ADCY8: variants seen among roughly 807,000 people sequenced by gnomAD.
ADCY8 encodes the protein adenylate cyclase type 8.
In ADCY8, 51 loss-of-function variants were observed where a neutral mutation model predicts 119.7. That is an observed-to-expected ratio of 0.43 (90% confidence interval 0.34 to 0.54). The LOEUF (loss-of-function observed/expected upper bound fraction) is 0.54. Among genes scored for constraint, ADCY8 ranks in the 20% least tolerant of loss-of-function variants. ADCY8 has a pLI of 0.03. For missense variants in ADCY8, 1,383 were observed against 1,598.8 expected, an observed-to-expected ratio of 0.87 and a Z score of 2.30; for synonymous variants, 665 against 651.0, an observed-to-expected ratio of 1.02 and a Z score of -0.33.
At chr8:130,944,302 A>G (rs781742718) in intron 3 of ADCY8, among the ~76,000 whole-genome samples, 33 of 152,202 alleles carry the variant, frequency 2.2e-4, no homozygotes, top group Non-Finnish European at 4.6e-4. Flanking sequence ...TTATCTTACC[A>G]TGTCATCTCA....
Position 130,780,819 on chromosome 8 carries a change from G to A in ADCY8, c.3327C>T (p.Asp1109=), listed in dbSNP as rs1815053604. ...GVIGAKKPQY[D]IWGKTVNLAS... ...CCAGGTTCACAGTTTTGCCCCAAATGTCATACTGTGGTTTCTTAGCGCCGA... is the reference window on the plus strand; with the variant it reads ...CCAGGTTCACAGTTTTGCCCCAAATATCATACTGTGGTTTCTTAGCGCCGA... Residue 1109 remains aspartate, a synonymous_variant, in exon 18 of 18, where the codon GAC becomes GAT. Coordinates refer to ENST00000286355, the MANE Select transcript of ADCY8 (RefSeq NM_001115.3). 4 of 1,614,192 alleles carry A rather than the reference G, an allele frequency of 2.5e-6. No homozygotes were observed. The highest frequency in any genetic ancestry group is 3.4e-6 in the Non-Finnish European group (4 of 1,180,022).
chr8:130,888,105 G>A (rs898768201), intron 7 of ADCY8, among the ~76,000 whole-genome samples: 16 of 151,838 alleles, frequency 1.1e-4, no homozygotes, highest in East Asian at 1.9e-4. Flanking sequence ...ATGTTGAGAC[G>A]GTTCTTTCAC....
chr8:130,982,124 A>ACACAAGAACC (rs1198776312), intron 2 of ADCY8, among the ~76,000 whole-genome samples: 1 of 152,224 alleles, frequency 6.6e-6, no homozygotes, highest in Non-Finnish European at 1.5e-5. Flanking sequence ...AGGCAGCCAG[A>ACACAAGAACC]TGGAACACAA....
intron 2 of ADCY8, among the ~76,000 whole-genome samples, chr8:130,959,523 C>T (rs1239696506): frequency 6.6e-6 from 1 of 152,174 alleles, no homozygotes; most frequent in Non-Finnish European, 1.5e-5. Context: ...CCAAGCAAGA[C>T]ATGAAGGCTG....
intron 2 of ADCY8, among the ~76,000 whole-genome samples, chr8:130,969,629 T>C (rs1274860238): frequency 2.6e-5 from 4 of 152,202 alleles, no homozygotes; most frequent in African/African-American, 9.6e-5. Flanking sequence ...CAAAAATAGA[T>C]TGTAACCTGG....
rs776072809 is a variant in ADCY8 at position 130,884,690 on chromosome 8, C to G, written c.1983G>C (p.Gln661His). ...PNHLAQALHV[Q>H]SGPEEINKRI... ...TCTTGTTAATTTCCTCAGGCCCAGACTGGACATGCAAAGCTTGTGCAAGAT... is the reference window on the plus strand; with the variant it reads ...TCTTGTTAATTTCCTCAGGCCCAGAGTGGACATGCAAAGCTTGTGCAAGAT... The change falls in exon 8 of 18, where the codon CAG becomes CAC. Residue 661 changes from glutamine to histidine, a missense_variant. Physicochemically the swap from Gln to His is conservative, Grantham distance 24 (BLOSUM62 0). This residue lies in a region of ADCY8 where 928 missense variants were observed against 1,163.5 expected (regional missense o/e 0.80). Transcript: ENST00000286355. 11 of 1,613,902 alleles carry G rather than the reference C, an allele frequency of 6.8e-6. No homozygotes were observed. The East Asian group carries it at 2.5e-4, about 36-fold the overall frequency.
chr8:131,037,889 G>A (rs1019749922), intron 1 of ADCY8, among the ~76,000 whole-genome samples: 1 of 152,118 alleles, frequency 6.6e-6, no homozygotes, highest in African/African-American at 2.4e-5. Flanking sequence ...AAGGTTCATG[G>A]TGACTGTGAT....
At chr8:131,002,002 A>G (rs1822965746) in intron 1 of ADCY8, among the ~76,000 whole-genome samples, 1 of 152,182 alleles carries the variant, frequency 6.6e-6, no homozygotes, top group South Asian at 2.1e-4. Flanking sequence ...TCACTACGGG[A>G]GTGGATACTC....
At chr8:130,841,485 A>T (rs1024851182) in intron 11 of ADCY8, among the ~76,000 whole-genome samples, 1 of 152,196 alleles carries the variant, frequency 6.6e-6, no homozygotes, top group African/African-American at 2.4e-5. Flanking sequence ...CAGTTTACAA[A>T]CTAAATCATG....
intron 2 of ADCY8, among the ~76,000 whole-genome samples, chr8:130,958,659 A>C (rs4736729): frequency 0.81 from 122,897 of 152,052 alleles, 52,323 homozygotes; most frequent in East Asian, 0.95. Context: ...TCTCATGAGA[A>C]TTATTCACTA....
rs193046965 is a variant in ADCY8, at chr8:130,996,638, A to G, written c.961-6096T>C. Among the ~76,000 whole-genome samples the G allele has an allele frequency of 2.0e-5, 3 of 152,128 alleles. No individual in the cohort carries two copies. In the East Asian group the frequency reaches 5.8e-4, roughly 29 times the overall value. On this transcript the variant is annotated intron_variant, in intron 1 of 17. Transcript: ENST00000286355. ...AAGATAATTGGTCAACTACAGGGGA[A>G]AAAAATGGACTGATAGTCACCTCAT...
intron 9 of ADCY8, among the ~76,000 whole-genome samples, chr8:130,850,541 C>A (rs1817489284): frequency 6.6e-6 from 1 of 152,090 alleles, no homozygotes; most frequent in Non-Finnish European, 1.5e-5. Flanking sequence ...GGAATTAATT[C>A]TTTGTTCTCA....
intron 4 of ADCY8, among the ~76,000 whole-genome samples, chr8:130,941,375 C>CT (rs1820951225): frequency 6.6e-6 from 1 of 152,168 alleles, no homozygotes; most frequent in Non-Finnish European, 1.5e-5. Flanking sequence ...AAAAAGTACC[C>CT]TTTCTCTTTC....
At chr8:130,911,287 C>T (rs1819972528) in intron 5 of ADCY8, among the ~76,000 whole-genome samples, 1 of 152,120 alleles carries the variant, frequency 6.6e-6, no homozygotes, top group South Asian at 2.1e-4. Context: ...TATGTTATAT[C>T]ATCTATCAAA....
At chr8:130,873,820 T>C (rs971289605) in intron 8 of ADCY8, among the ~76,000 whole-genome samples, 1 of 152,140 alleles carries the variant, frequency 6.6e-6, no homozygotes, top group Non-Finnish European at 1.5e-5. Context: ...ATTTCATTTT[T>C]GGATAAATTT....
chr8:130,896,132 T>C (rs888518145), intron 7 of ADCY8, among the ~76,000 whole-genome samples: 2 of 152,132 alleles, frequency 1.3e-5, no homozygotes, highest in Admixed American at 6.6e-5. Flanking sequence ...TTAACTCAGA[T>C]CAATTTTCCC....
chr8:130,957,353 G>T (rs1259914512), intron 2 of ADCY8, among the ~76,000 whole-genome samples: 1 of 152,190 alleles, frequency 6.6e-6, no homozygotes, highest in South Asian at 2.1e-4. Context: ...ATGATTTAGG[G>T]TATCTAAGGG....
chr8:130,956,592 G>C (rs1005687763), intron 2 of ADCY8, among the ~76,000 whole-genome samples: 2 of 152,216 alleles, frequency 1.3e-5, no homozygotes, highest in Non-Finnish European at 2.9e-5. Context: ...TAAACTCGGA[G>C]CTCTTTGCGT....
chr8:130,877,969 C>G (rs552039354), intron 8 of ADCY8, among the ~76,000 whole-genome samples: 2 of 152,082 alleles, frequency 1.3e-5, no homozygotes, highest in Non-Finnish European at 2.9e-5. Context: ...GAGGGTCTTG[C>G]CTTGTGCAGG....
Sources: allele counts gnomAD v4.1 joint callset (sites outside exome capture counted in the v4.1 genomes callset), GRCh38; gene constraint gnomAD v4.1.1; regional missense constraint gnomAD v4.1.1; transcripts MANE v1.5; gene names NCBI Gene and HGNC (gene_info 2026-07-23, HGNC 2026-07-21).